Variants in CREB5 observed in about 807,000 individuals in gnomAD.
CREB5 encodes cAMP responsive element binding protein 5.
In CREB5, 19 loss-of-function variants were observed where a neutral mutation model predicts 57.1. The ratio of observed to expected loss-of-function variants is 0.33; its 90% CI spans 0.23 to 0.49. The LOEUF (loss-of-function observed/expected upper bound fraction) is 0.49, where lower values mean the gene tolerates loss of function less well. CREB5 is among the 20% of genes least tolerant of loss of function. The pLI is 0.99. For missense variants in CREB5, 579 were observed against 671.6 expected (o/e 0.86, Z 1.52); for synonymous variants, 238 against 238.3 (o/e 1.00, Z 0.01).
At chr7:28,672,188 AACACACACAC>A (rs1554283304) in intron 5 of CREB5, among the ~76,000 whole-genome samples, 2 of 147,002 alleles carry the variant, frequency 1.4e-5, no homozygotes, top group African/African-American at 2.5e-5. Context: ...AAAAAAAAAA[AACACACACAC>A]ACACACACAC....
chr7:28,560,931 T>TGTGCGTGC lies in CREB5; in HGVS notation c.292-9431_292-9430insCGTGCGTG, dbSNP rs1562797936. On this transcript the variant is annotated intron_variant, in intron 4 of 10. Coordinates refer to ENST00000357727, the MANE Select transcript of CREB5 (RefSeq NM_182898.4). ...GTGCGTGTGCGTGTGTGCGCGTGCG[T>TGTGCGTGC]GTGTGCGTGCGTGTGTGTGCGTGTG... 9.1e-4 allele frequency among the ~76,000 whole-genome samples: 44 copies of TGTGCGTGC among 48,528 alleles called. 2 individuals are homozygous for TGTGCGTGC. The East Asian group carries it at 0.013, about 14-fold the overall frequency. 31.8% of individuals were successfully genotyped at this position (48,528 alleles called of 152,430 possible).
chr7:28,689,058 A>G (rs556246342), intron 5 of CREB5, among the ~76,000 whole-genome samples: 109 of 152,322 alleles, frequency 7.2e-4, no homozygotes, highest in Non-Finnish European at 1.4e-3. Flanking sequence ...CCAGAGGGCT[A>G]AAAATTATTA....
chr7:28,407,972 C>G (rs572703761), upstream of CREB5, among the ~76,000 whole-genome samples: 6 of 152,310 alleles, frequency 3.9e-5, no homozygotes, highest in African/African-American at 1.4e-4. Context: ...TGTTTATTAA[C>G]GAGGGCTAAA....
intron 1 of CREB5, among the ~76,000 whole-genome samples, chr7:28,304,572 G>A (rs1470107392): frequency 6.6e-6 from 1 of 152,146 alleles, no homozygotes; most frequent in Non-Finnish European, 1.5e-5. Context: ...CCACAAACTT[G>A]TTCCTATCTC....
chr7:28,682,384 G>T (rs1464965083), intron 5 of CREB5, among the ~76,000 whole-genome samples: 1 of 152,240 alleles, frequency 6.6e-6, no homozygotes, highest in African/African-American at 2.4e-5. Flanking sequence ...ATGTGGGTGT[G>T]CAGTGGTCTG....
rs56166148 is a variant in CREB5, at chr7:28,394,070, C to CAA, written c.-25+94664_-25+94665dup. Among the ~76,000 whole-genome samples the CAA allele has an allele frequency of 9.3e-3, 491 of 52,986 alleles. 122 individuals are homozygous for CAA. The highest frequency in any genetic ancestry group is 0.012 in the Non-Finnish European group (373 of 32,338). 34.8% of individuals were successfully genotyped at this position (52,986 alleles called of 152,430 possible). The stretch of plus-strand genomic sequence containing the variant: ...TGGGGGATGGAGCAAGACTCTGTCT[C>CAA]AAAAAAAAAAAAAAAAAAAAAAAAA... On this transcript the variant is annotated intron_variant, in intron 1 of 9. Coordinates refer to the CREB5 transcript ENST00000396299.
intron 7 of CREB5, among the ~76,000 whole-genome samples, chr7:28,802,320 T>C (rs1399590568): frequency 6.6e-6 from 1 of 152,184 alleles, no homozygotes; most frequent in African/African-American, 2.4e-5. Flanking sequence ...TCTTGTTTTT[T>C]ATTTATTTTT....
At chr7:28,478,610 A>G (rs554977744) in intron 1 of CREB5, among the ~76,000 whole-genome samples, 3 of 152,316 alleles carry the variant, frequency 2.0e-5, no homozygotes, top group Non-Finnish European at 2.9e-5. Flanking sequence ...ATTCTCTATG[A>G]TGGAGCTGTC....
At position 28,620,347 on chromosome 7, in the gene CREB5, GA is replaced by G. The variant is rs372408364; in HGVS notation, c.464+49811del. Among the ~76,000 whole-genome samples the G allele has an allele frequency of 3.3e-4, 51 of 152,248 alleles. 1 individual carries two copies. In the East Asian group the frequency reaches 7.5e-3, roughly 22 times the overall value. On this transcript the variant is annotated intron_variant, in intron 5 of 10. Transcript: ENST00000357727. Reference sequence around the variant, plus strand: ...CTTCTATAACTAAATCCATTTGGAAGAGGGGGGTGCCACTCATACCTAGTGT... The same window carrying G: ...CTTCTATAACTAAATCCATTTGGAAGGGGGGGTGCCACTCATACCTAGTGT...
intron 5 of CREB5, among the ~76,000 whole-genome samples, chr7:28,618,744 A>G (rs1797684350): frequency 6.6e-6 from 1 of 152,114 alleles, no homozygotes. Flanking sequence ...GCTAGACAAC[A>G]CCCCCAACCC....
At chr7:28,810,582 G>C (rs1331258148) in intron 9 of CREB5, among the ~76,000 whole-genome samples, 1 of 152,186 alleles carries the variant, frequency 6.6e-6, no homozygotes, top group East Asian at 1.9e-4. Flanking sequence ...TGTAGTCCCA[G>C]CTACTCAGGA....
Position 28,327,016 on chromosome 7 carries a change from G to A in CREB5, c.-25+27575G>A, listed in dbSNP as rs546528070. On this transcript the variant is annotated intron_variant, in intron 1 of 9. Transcript: ENST00000396299. ...TACAAAAAATTAGCCGGGCGTGGTG[G>A]CAGATGCCTGTAATCCCAGCTACTT... Among the ~76,000 whole-genome samples the A allele has an allele frequency of 5.5e-4, 83 of 152,162 alleles. 1 individual carries two copies. The South Asian group carries it at 0.016, about 30-fold the overall frequency.
intron 7 of CREB5, among the ~76,000 whole-genome samples, chr7:28,786,585 G>A (rs889084515): frequency 1.3e-5 from 2 of 152,144 alleles, no homozygotes; most frequent in Admixed American, 6.5e-5. Context: ...AATATTTCCA[G>A]GCCCCTCTCT....
At chr7:28,306,553 T>G (rs200591141) in intron 1 of CREB5, among the ~76,000 whole-genome samples, 38,399 of 78,234 alleles carry the variant, frequency 0.49, 9,862 homozygotes, top group East Asian at 0.74. Context: ...TTTGTTTTTT[T>G]TGTTTTTTTT....
At chr7:28,772,154 C>T (rs530609068) in intron 7 of CREB5, among the ~76,000 whole-genome samples, 4 of 152,182 alleles carry the variant, frequency 2.6e-5, no homozygotes, top group Non-Finnish European at 5.9e-5. Flanking sequence ...AGAGCAGATA[C>T]TGGTGGAGTT....
chr7:28,694,069 T>A (rs531113036), intron 5 of CREB5, among the ~76,000 whole-genome samples: 1 of 152,328 alleles, frequency 6.6e-6, no homozygotes, highest in Admixed American at 6.5e-5. Context: ...GGGTCTTTTT[T>A]CACCGCTTTT....
intron 7 of CREB5, among the ~76,000 whole-genome samples, chr7:28,790,172 T>A (rs1003218827): frequency 6.6e-6 from 1 of 152,236 alleles, no homozygotes; most frequent in African/African-American, 2.4e-5. Flanking sequence ...TTAGTGCATA[T>A]CCCTCCTTCT....
At chr7:28,510,065 G>A (rs1284884366) in intron 4 of CREB5, among the ~76,000 whole-genome samples, 2 of 152,200 alleles carry the variant, frequency 1.3e-5, no homozygotes, top group Admixed American at 6.5e-5. Flanking sequence ...CTGTGTTGGT[G>A]GCTTTGGCTC....
At chr7:28,622,536 A>G (rs1481468799) in intron 5 of CREB5, among the ~76,000 whole-genome samples, 3 of 152,194 alleles carry the variant, frequency 2.0e-5, no homozygotes, top group African/African-American at 7.2e-5. Context: ...ATTAGCTGAC[A>G]TTTCTTAAAA....
Sources: gnomAD v4.1 joint callset for allele counts (sites outside exome capture counted in the v4.1 genomes callset) on GRCh38, gnomAD v4.1.1 for gene constraint, MANE v1.5 for transcripts, NCBI Gene and HGNC (gene_info 2026-07-23, HGNC 2026-07-21) for gene names.